Variants in DHRSX observed in about 807,000 individuals in gnomAD.
The protein encoded by DHRSX is dehydrogenase/reductase X-linked, also known as polyprenol dehydrogenase.
Under a neutral mutation model 34.0 loss-of-function variants are expected in DHRSX, and 31 were observed. The ratio of observed to expected loss-of-function variants is 0.91; its 90% CI spans 0.69 to 1.23. The LOEUF (loss-of-function observed/expected upper bound fraction) is 1.23. Ranked by LOEUF, DHRSX falls within the 50% of genes most tolerant of loss-of-function variation. The pLI is 0.00. For missense variants in DHRSX, 414 were observed against 428.1 expected (o/e 0.97, Z 0.29); for synonymous variants, 201 against 183.8 (o/e 1.09, Z -0.76).
At chrX:2,319,435 T>G (rs768229012) in intron 3 of DHRSX, among the ~76,000 whole-genome samples, 21 of 149,608 alleles carry the variant, frequency 1.4e-4, no homozygotes, top group Admixed American at 2.7e-4. Context: ...CCCAGTTACT[T>G]GGGAGGCTGA....
intron 3 of DHRSX, among the ~76,000 whole-genome samples, chrX:2,332,834 C>T (rs1039861098): frequency 1.3e-5 from 2 of 152,304 alleles, no homozygotes; most frequent in East Asian, 3.9e-4. Context: ...TGTGATCGAT[C>T]AAAAACTCAG....
chrX:2,499,845 G>A (rs1326766902), intron 1 of DHRSX, among the ~76,000 whole-genome samples: 2 of 152,148 alleles, frequency 1.3e-5, no homozygotes, highest in Non-Finnish European at 2.9e-5. Flanking sequence ...AGGAGTTCGA[G>A]ACCAGCCTGA....
chrX:2,294,102 AAG>A (rs1427171905), intron 3 of DHRSX, among the ~76,000 whole-genome samples: 1 of 151,986 alleles, frequency 6.6e-6, no homozygotes, highest in African/African-American at 2.4e-5. Flanking sequence ...CTAAGAGAGA[AAG>A]AGAAAAAAGG....
chrX:2,315,943 C>A (rs2042237102), intron 3 of DHRSX, among the ~76,000 whole-genome samples: 2 of 152,074 alleles, frequency 1.3e-5, no homozygotes, highest in Admixed American at 1.3e-4. Flanking sequence ...CTCACTGCAA[C>A]CTCCGCCTCC....
chrX:2,374,109 T>C (rs1275217790), intron 3 of DHRSX, among the ~76,000 whole-genome samples: 1 of 152,132 alleles, frequency 6.6e-6, no homozygotes, highest in African/African-American at 2.4e-5. Context: ...GTGATTAGTA[T>C]TGTTCTAAAG....
intron 6 of DHRSX, among the ~76,000 whole-genome samples, chrX:2,240,500 G>C (rs1387477925): frequency 6.6e-6 from 1 of 151,742 alleles, no homozygotes; most frequent in Non-Finnish European, 1.5e-5. Flanking sequence ...AGGGAGAAAA[G>C]AGAATTTGTA....
intron 1 of DHRSX, among the ~76,000 whole-genome samples, chrX:2,481,850 G>A (rs968116764): frequency 4.6e-5 from 7 of 152,120 alleles, no homozygotes; most frequent in African/African-American, 1.2e-4. Flanking sequence ...TCATCCTCCC[G>A]AGTACATGCA....
intron 1 of DHRSX, among the ~76,000 whole-genome samples, chrX:2,455,766 A>G (rs1229621638): frequency 6.6e-6 from 1 of 151,250 alleles, no homozygotes; most frequent in African/African-American, 2.4e-5. Context: ...AAAAAACAAT[A>G]AAAAGCACAC....
chrX:2,424,268 A>C (rs1201011976), intron 2 of DHRSX, among the ~76,000 whole-genome samples: 3 of 151,992 alleles, frequency 2.0e-5, no homozygotes, highest in African/African-American at 7.3e-5. Context: ...TGGGAAACTC[A>C]ATGTCTGTTG....
At chrX:2,343,723 T>G (rs1454779690) in intron 3 of DHRSX, among the ~76,000 whole-genome samples, 1 of 152,238 alleles carries the variant, frequency 6.6e-6, no homozygotes, top group Non-Finnish European at 1.5e-5. Flanking sequence ...GACTTTTTTT[T>G]GTCCACATCA....
intron 3 of DHRSX, among the ~76,000 whole-genome samples, chrX:2,304,894 A>G (rs904112728): frequency 6.6e-6 from 1 of 152,146 alleles, no homozygotes; most frequent in Non-Finnish European, 1.5e-5. Flanking sequence ...TATTATAAAG[A>G]TACAGGCACA....
intron 6 of DHRSX, among the ~76,000 whole-genome samples, chrX:2,236,794 T>C (rs2016025756): frequency 6.6e-6 from 1 of 151,632 alleles, no homozygotes; most frequent in Admixed American, 6.6e-5. Flanking sequence ...AATTCCTGTA[T>C]GGGGATTTGC....
intron 5 of DHRSX, among the ~76,000 whole-genome samples, chrX:2,259,375 G>GATATATATATAGATATATAGAGATAT (rs2041329223): frequency 7.5e-6 from 1 of 133,830 alleles, no homozygotes. Flanking sequence ...GATATATATA[G>GATATATATATAGATATATAGAGATAT]ATATATATAT....
chrX:2,345,218 CAT>C (rs1476954152), intron 3 of DHRSX, among the ~76,000 whole-genome samples: 11 of 152,016 alleles, frequency 7.2e-5, no homozygotes, highest in Admixed American at 1.3e-4. Flanking sequence ...ATGGTGCCCA[CAT>C]ATGTGATTAA....
Position 2,489,805 on chromosome X carries a change from G to T in DHRSX, c.109+11012C>A, listed in dbSNP as rs140685786. The T allele has an allele frequency of 2.3e-3, 3,702 of 1,613,538 alleles. 60 individuals carry two copies. In the African/African-American group the frequency reaches 0.042, roughly 18 times the overall value. ...GCGACAGCAGCGCCCCCAGCTTCGG[G>T]AGCTGGAAGGCCTGCTGGATGCCGG... On this transcript the variant is annotated intron_variant, in intron 1 of 6. Coordinates refer to ENST00000334651, the MANE Select transcript of DHRSX (RefSeq NM_145177.3).
Position 2,433,990 on chromosome X carries a change from G to A in DHRSX, c.110-8686C>T, listed in dbSNP as rs766458291. Among the ~76,000 whole-genome samples, 34 of 152,226 alleles carry A rather than the reference G, an allele frequency of 2.2e-4. No individual in the cohort carries two copies. In the South Asian group the frequency reaches 7.0e-3, roughly 32 times the overall value. Reference sequence around the variant, plus strand: ...AGACAGGGTTTCACTGTGTTAGCCAGGATGGTCTCGATCTCCTGATCTCGT... The same window carrying A: ...AGACAGGGTTTCACTGTGTTAGCCAAGATGGTCTCGATCTCCTGATCTCGT... On this transcript the variant is annotated intron_variant, in intron 1 of 6. Transcript: ENST00000334651.
chrX:2,240,185 C>T (rs1463394576), intron 6 of DHRSX, among the ~76,000 whole-genome samples: 2 of 151,692 alleles, frequency 1.3e-5, no homozygotes, highest in Non-Finnish European at 2.9e-5. Context: ...CCCAGCTACT[C>T]AGGAGGCTGA....
intron 1 of DHRSX, among the ~76,000 whole-genome samples, chrX:2,499,157 A>T (rs58903231): frequency 0.05 from 7,618 of 152,086 alleles, 620 homozygotes; most frequent in African/African-American, 0.17. Flanking sequence ...TGGAAGTCAA[A>T]AGTCATTTCA....
rs1424351094 is a variant in DHRSX, at chrX:2,285,434, C to T, written c.388+6068G>A. Reference sequence around the variant, plus strand: ...GTGCACAACCTAAGTCCCTCACATGCACAGTTCACAGTAGGGTTTGTGCTC... The same window carrying T: ...GTGCACAACCTAAGTCCCTCACATGTACAGTTCACAGTAGGGTTTGTGCTC... On this transcript the variant is annotated intron_variant, in intron 4 of 6. Transcript: ENST00000334651. 2.0e-5 allele frequency among the ~76,000 whole-genome samples: 3 copies of T among 152,158 alleles called. No individual in the cohort carries two copies. The East Asian group carries it at 5.8e-4, about 29-fold the overall frequency.
Sources: gnomAD v4.1 joint callset for allele counts (sites outside exome capture counted in the v4.1 genomes callset) on GRCh38, gnomAD v4.1.1 for gene constraint, MANE v1.5 for transcripts, NCBI Gene and HGNC (gene_info 2026-07-23, HGNC 2026-07-21) for gene names.